Variants in PHF24 observed in about 807,000 individuals in gnomAD.
The protein encoded by PHF24 is PHD finger protein 24, also known as Galpha inhibitory interacting protein.
In PHF24, 25 loss-of-function variants were observed where a neutral mutation model predicts 42.6. The observed-to-expected ratio is 0.59, with a 90% CI of 0.43 to 0.82. PHF24 has a LOEUF of 0.82. Among genes scored for constraint, PHF24 ranks in the 40% least tolerant of loss-of-function variants. The probability of loss-of-function intolerance (pLI) is 0.00; values close to 1 mark genes in which losing one functional copy is unlikely to be tolerated. For synonymous variants in PHF24, 185 were observed against 204.8 expected, an observed-to-expected ratio of 0.90 and a Z score of 0.83; for missense variants, 470 against 538.1, an observed-to-expected ratio of 0.87 and a Z score of 1.25.
the PHF24 span, among the ~76,000 whole-genome samples, chr9:34,780,912 C>T: frequency 1.3e-5 from 2 of 152,106 alleles, no homozygotes; most frequent in African/African-American, 2.4e-5. Context: ...CAGTAAGGTA[C>T]CCCTTTCACA....
chr9:34,918,666 A>G, the PHF24 span, among the ~76,000 whole-genome samples: 2 of 152,154 alleles, frequency 1.3e-5, no homozygotes, highest in Admixed American at 1.3e-4. Context: ...CAATATTTCT[A>G]ATGTTTTAAA....
the PHF24 span, among the ~76,000 whole-genome samples, chr9:34,773,130 A>G: frequency 1.3e-5 from 2 of 152,070 alleles, no homozygotes; most frequent in Admixed American, 6.5e-5. Context: ...AGCTGGGACT[A>G]CAGGCATGCG....
chr9:34,834,771 C>T, the PHF24 span: 4 of 1,542,632 alleles, frequency 2.6e-6, no homozygotes, highest in South Asian at 3.6e-5. Context: ...AGAAATGGGA[C>T]ATTGATCTGA....
the PHF24 span, chr9:34,892,733 A>G: frequency 2.2e-6 from 1 of 458,676 alleles, no homozygotes; most frequent in South Asian, 5.5e-5. Flanking sequence ...AGGCTTCTCA[A>G]AGTTTGAAGA....
chr9:34,740,130 G>T, the PHF24 span, among the ~76,000 whole-genome samples: 5 of 152,210 alleles, frequency 3.3e-5, no homozygotes, highest in African/African-American at 9.6e-5. Context: ...AGACATAAAG[G>T]TTCTCCATGT....
chr9:34,966,580 A>ACC (rs35222365), intron 1 of PHF24, among the ~76,000 whole-genome samples: 85 of 146,708 alleles, frequency 5.8e-4, no homozygotes, highest in African/African-American at 9.7e-4. Context: ...ATATGGCGAG[A>ACC]CCCCCCCCCT....
chr9:34,918,243 C>A, the PHF24 span: 1 of 1,486,756 alleles, frequency 6.7e-7, no homozygotes, highest in Non-Finnish European at 9.4e-7. Context: ...AGCCCTCATC[C>A]GCACGTGTCT....
chr9:34,675,752 C>T, the PHF24 span, among the ~76,000 whole-genome samples: 1 of 152,102 alleles, frequency 6.6e-6, no homozygotes. Flanking sequence ...CTGGGCTGAG[C>T]TTGCTTGGGA....
At chr9:34,667,064 A>C in the PHF24 span, among the ~76,000 whole-genome samples, 1 of 152,246 alleles carries the variant, frequency 6.6e-6, no homozygotes, top group Non-Finnish European at 1.5e-5. Flanking sequence ...TAAATGGAGC[A>C]GGCTGGCTGG....
the PHF24 span, among the ~76,000 whole-genome samples, chr9:34,950,591 A>C: frequency 6.6e-6 from 1 of 152,136 alleles, no homozygotes; most frequent in Non-Finnish European, 1.5e-5. Context: ...ATCAATAAAG[A>C]AGAATATTAT....
the PHF24 span, among the ~76,000 whole-genome samples, chr9:34,823,097 GA>G: frequency 3.1e-3 from 469 of 150,656 alleles, 4 homozygotes; most frequent in Non-Finnish European, 4.0e-3. Flanking sequence ...TGGGGAGGCT[GA>G]GGCAGGAGAA....
At chr9:34,944,285 T>A in the PHF24 span, among the ~76,000 whole-genome samples, 1 of 152,230 alleles carries the variant, frequency 6.6e-6, no homozygotes, top group Non-Finnish European at 1.5e-5. Context: ...GCCTGCTTGA[T>A]GAAGCACCCT....
chr9:34,782,682 G>C, the PHF24 span, among the ~76,000 whole-genome samples: 1 of 152,088 alleles, frequency 6.6e-6, no homozygotes, highest in East Asian at 1.9e-4. Flanking sequence ...TGAATTCATG[G>C]GAAGTAGCTC....
chr9:34,949,416 C>T, the PHF24 span, among the ~76,000 whole-genome samples: 3 of 152,122 alleles, frequency 2.0e-5, no homozygotes, highest in Non-Finnish European at 4.4e-5. Context: ...TAAATTAGTT[C>T]AGCCACTGTG....
At chr9:34,838,567 C>T in the PHF24 span, 1 of 973,384 alleles carries the variant, frequency 1.0e-6, no homozygotes, top group South Asian at 1.6e-5. Context: ...CTAATGACTC[C>T]CAGTGCTAGG....
At chr9:34,912,702 C>A in the PHF24 span, among the ~76,000 whole-genome samples, 4 of 152,202 alleles carry the variant, frequency 2.6e-5, no homozygotes, top group African/African-American at 9.6e-5. Context: ...CCATCCAAAC[C>A]TAACAGGGTT....
chr9:34,782,680 T>C, the PHF24 span, among the ~76,000 whole-genome samples: 3 of 152,102 alleles, frequency 2.0e-5, no homozygotes, highest in African/African-American at 7.2e-5. Context: ...TATGAATTCA[T>C]GGGAAGTAGC....
chr9:34,840,923 C>G, the PHF24 span, among the ~76,000 whole-genome samples: 1 of 152,076 alleles, frequency 6.6e-6, no homozygotes, highest in African/African-American at 2.4e-5. Flanking sequence ...ATTGCTGGGT[C>G]AAAGGGTGTG....
the PHF24 span, among the ~76,000 whole-genome samples, chr9:34,858,260 GCTGAC>G: frequency 6.6e-6 from 1 of 152,018 alleles, no homozygotes; most frequent in African/African-American, 2.4e-5. Flanking sequence ...TTCAATCTTT[GCTGAC>G]TGGCTTTGTC....
Sources: gnomAD v4.1 joint callset for allele counts (sites outside exome capture counted in the v4.1 genomes callset) on GRCh38, gnomAD v4.1.1 for gene constraint, MANE v1.5 for transcripts, NCBI Gene and HGNC (gene_info 2026-07-23, HGNC 2026-07-21) for gene names.